The following MAGI1 variants were observed in gnomAD, a reference collection of about 807,000 sequenced individuals.
MAGI1 encodes membrane-associated guanylate kinase, WW and PDZ domain-containing protein 1.
Under a neutral mutation model 139.9 loss-of-function variants are expected in MAGI1, and 58 were observed. The ratio of observed to expected loss-of-function variants is 0.41; its 90% CI spans 0.34 to 0.52. The LOEUF is 0.52. Ranked by LOEUF, MAGI1 falls within the 20% of genes least tolerant of loss-of-function variation. The pLI, the probability that MAGI1 is intolerant of heterozygous loss-of-function variation, is 0.12. For synonymous variants in MAGI1, 812 were observed against 737.9 expected, an observed-to-expected ratio of 1.10 and a Z score of -1.63; for missense variants, 1,874 against 1,901.6, an observed-to-expected ratio of 0.99 and a Z score of 0.27.
chr3:65,477,891 C>A (rs1374919545), intron 4 of MAGI1, among the ~76,000 whole-genome samples: 2 of 151,404 alleles, frequency 1.3e-5, no homozygotes, highest in East Asian at 1.9e-4. Flanking sequence ...TACCCAAAGG[C>A]CTTGTCCTTG....
chr3:65,662,979 G>A (rs2086285269), intron 1 of MAGI1, among the ~76,000 whole-genome samples: 2 of 152,120 alleles, frequency 1.3e-5, no homozygotes, highest in African/African-American at 4.8e-5. Flanking sequence ...GGGCATGGAT[G>A]GTAGACCAGA....
At chr3:65,496,866 A>G (rs1952494741) in intron 2 of MAGI1, among the ~76,000 whole-genome samples, 1 of 152,190 alleles carries the variant, frequency 6.6e-6, no homozygotes, top group Non-Finnish European at 1.5e-5. Flanking sequence ...TGCTAGGTCT[A>G]TATTTTGAAG....
At chr3:65,795,588 C>T (rs2040071900) in intron 1 of MAGI1, among the ~76,000 whole-genome samples, 1 of 152,026 alleles carries the variant, frequency 6.6e-6, no homozygotes, top group South Asian at 2.1e-4. Flanking sequence ...TGTAGTATTT[C>T]TTACAACTAC....
chr3:65,441,380 T>C (rs1019400557), intron 8 of MAGI1, among the ~76,000 whole-genome samples: 2 of 152,188 alleles, frequency 1.3e-5, no homozygotes, highest in Admixed American at 6.5e-5. Flanking sequence ...GGTTTATCAA[T>C]AGAAAGGATA....
intron 1 of MAGI1, among the ~76,000 whole-genome samples, chr3:65,870,516 A>G (rs1201223521): frequency 1.3e-5 from 2 of 151,770 alleles, no homozygotes; most frequent in African/African-American, 4.8e-5. Flanking sequence ...TGAGAAAGAG[A>G]GCAGGGAAGG....
At chr3:65,831,412 C>A (rs928662331) in intron 1 of MAGI1, among the ~76,000 whole-genome samples, 1 of 152,152 alleles carries the variant, frequency 6.6e-6, no homozygotes, top group African/African-American at 2.4e-5. Flanking sequence ...AGTTCAAATT[C>A]CTCCATGCTT....
At chr3:65,936,912 T>TGG (rs1560032014) in intron 1 of MAGI1, among the ~76,000 whole-genome samples, 109 of 147,704 alleles carry the variant, frequency 7.4e-4, no homozygotes, top group African/African-American at 8.0e-4. Flanking sequence ...GTTGTTGTTG[T>TGG]TGTTGTTGGT....
At chr3:65,677,300 A>C (rs1340656441) in intron 1 of MAGI1, among the ~76,000 whole-genome samples, 1 of 152,128 alleles carries the variant, frequency 6.6e-6, no homozygotes, top group African/African-American at 2.4e-5. Context: ...ACTATTGGCC[A>C]GCTAGGGTCA....
intron 1 of MAGI1, among the ~76,000 whole-genome samples, chr3:65,946,456 T>A (rs1302871263): frequency 6.6e-6 from 1 of 152,188 alleles, no homozygotes; most frequent in African/African-American, 2.4e-5. Context: ...TTGGTTTTTT[T>A]TTCCGTTGGG....
chr3:65,964,534 C>T (rs933537410), intron 1 of MAGI1, among the ~76,000 whole-genome samples: 3 of 147,036 alleles, frequency 2.0e-5, no homozygotes, highest in Admixed American at 1.4e-4. Flanking sequence ...AGTGCGGGGG[C>T]GGGGGGAACC....
At chr3:65,591,141 T>C (rs568838879) in intron 2 of MAGI1, among the ~76,000 whole-genome samples, 39 of 152,244 alleles carry the variant, frequency 2.6e-4, no homozygotes, top group African/African-American at 9.1e-4. Context: ...AAATTTTCCA[T>C]GAACTCCACC....
intron 1 of MAGI1, among the ~76,000 whole-genome samples, chr3:65,867,739 C>T (rs1050301763): frequency 6.6e-6 from 1 of 151,968 alleles, no homozygotes; most frequent in Non-Finnish European, 1.5e-5. Flanking sequence ...AGCAACAGAG[C>T]GAGACCCTGA....
chr3:65,608,156 C>T (rs193234290), intron 2 of MAGI1, among the ~76,000 whole-genome samples: 45 of 152,178 alleles, frequency 3.0e-4, no homozygotes, highest in African/African-American at 1.0e-3. Flanking sequence ...AAAAGACAAA[C>T]GGGGACCGGG....
chr3:65,523,317 G>A (rs2078243316), intron 2 of MAGI1, among the ~76,000 whole-genome samples: 1 of 151,916 alleles, frequency 6.6e-6, no homozygotes. Context: ...TTACACAACT[G>A]TGAAAGTTCA....
intron 2 of MAGI1, among the ~76,000 whole-genome samples, chr3:65,500,606 G>T (rs1033894933): frequency 6.6e-6 from 1 of 152,202 alleles, no homozygotes; most frequent in Non-Finnish European, 1.5e-5. Context: ...GAAATATCCA[G>T]TTGAGGCAGA....
At chr3:65,908,416 C>T (rs1179977700) in intron 1 of MAGI1, among the ~76,000 whole-genome samples, 1 of 151,880 alleles carries the variant, frequency 6.6e-6, no homozygotes, top group African/African-American at 2.4e-5. Context: ...CAATTCTCTG[C>T]TGGAATTACA....
chr3:65,936,567 C>T (rs568482230), intron 1 of MAGI1, among the ~76,000 whole-genome samples: 14 of 151,368 alleles, frequency 9.2e-5, no homozygotes, highest in African/African-American at 3.4e-4. Context: ...TGCACTCCAG[C>T]CTGGGTGACA....
intron 4 of MAGI1, among the ~76,000 whole-genome samples, chr3:65,471,848 A>G (rs1575891656): frequency 6.6e-6 from 1 of 152,168 alleles, no homozygotes; most frequent in Non-Finnish European, 1.5e-5. Flanking sequence ...TTGAGGCTGG[A>G]GCCTGTTTGC....
At chr3:65,480,010 T>A (rs1286387146) in intron 3 of MAGI1, among the ~76,000 whole-genome samples, 1 of 152,122 alleles carries the variant, frequency 6.6e-6, no homozygotes, top group Non-Finnish European at 1.5e-5. Context: ...GCTGGATCAA[T>A]CCTAACTAAT....
Sources: allele counts gnomAD v4.1 joint callset (sites outside exome capture counted in the v4.1 genomes callset), GRCh38; gene constraint gnomAD v4.1.1; transcripts MANE v1.5; gene names NCBI Gene and HGNC (gene_info 2026-07-23, HGNC 2026-07-21).